IFT74: variants seen among roughly 807,000 people sequenced by gnomAD.
IFT74 encodes intraflagellar transport 74.
Under a neutral mutation model 96.7 loss-of-function variants are expected in IFT74, and 92 were observed. The ratio of observed to expected loss-of-function variants is 0.95; its 90% confidence interval spans 0.80 to 1.13. The LOEUF (loss-of-function observed/expected upper bound fraction) is 1.13. IFT74 is among the 50% of genes most tolerant of loss of function. The probability of loss-of-function intolerance (pLI) is 0.00; values close to 1 mark genes in which losing one functional copy is unlikely to be tolerated. For synonymous variants in IFT74, 223 were observed against 213.2 expected (o/e 1.05, Z -0.40); for missense variants, 811 against 698.2 (o/e 1.16, Z -1.82).
intron 12 of IFT74, among the ~76,000 whole-genome samples, chr9:27,026,462 T>C (rs1829862021): frequency 6.6e-6 from 1 of 152,136 alleles, no homozygotes; most frequent in Non-Finnish European, 1.5e-5. Flanking sequence ...AATTATACCC[T>C]AGAACAAATG....
intron 1 of IFT74, among the ~76,000 whole-genome samples, chr9:26,949,949 G>T (rs181229952): frequency 3.9e-5 from 6 of 152,344 alleles, no homozygotes; most frequent in Non-Finnish European, 7.3e-5. Flanking sequence ...ATCTGTAGGA[G>T]TACTTGGCGA....
At chr9:27,025,373 G>T (rs567224950) in intron 12 of IFT74, among the ~76,000 whole-genome samples, 13 of 150,396 alleles carry the variant, frequency 8.6e-5, no homozygotes, top group African/African-American at 3.2e-4. Flanking sequence ...AACCTGGGAG[G>T]TGGAGGTTGC....
intron 8 of IFT74, chr9:26,995,538 A>G: frequency 6.4e-7 from 1 of 1,560,752 alleles, no homozygotes; most frequent in South Asian, 1.2e-5. Context: ...TCTTCACATA[A>G]TTCATGGATA....
rs150104643 is a variant in IFT74, at chr9:27,004,596, T to C, written c.588-4424T>C. ...ACGCAGAATAGCTGGCCAAGTAGAT[T>C]ATGCAGAAATTATCCATCAGTCAGT... On this transcript the variant is annotated intron_variant, in intron 8 of 19. Transcript: ENST00000380062. Among the ~76,000 whole-genome samples the C allele has an allele frequency of 2.0e-5, 3 of 152,344 alleles. No individual in the cohort carries two copies. In the East Asian group the frequency reaches 5.8e-4, roughly 29 times the overall value.
intron 10 of IFT74, among the ~76,000 whole-genome samples, chr9:27,015,407 A>G (rs1039934842): frequency 8.5e-5 from 13 of 152,058 alleles, no homozygotes; most frequent in Admixed American, 7.9e-4. Flanking sequence ...GGAGGCTGAG[A>G]TGGGCGGATC....
Position 27,044,878 on chromosome 9 carries a change from G to T in IFT74, c.1108+83G>T, listed in dbSNP as rs541296279. ...TACCAAATCAGAGACCTCATTTTGGGCAGATATAATGGCTAATAAATGCAG... is the reference window on the plus strand; with the variant it reads ...TACCAAATCAGAGACCTCATTTTGGTCAGATATAATGGCTAATAAATGCAG... On this transcript the variant is annotated intron_variant, in intron 14 of 19. Coordinates refer to ENST00000380062, the MANE Select transcript of IFT74 (RefSeq NM_025103.4). 3.0e-5 allele frequency: 23 copies of T among 762,556 alleles called. No individual in the cohort carries two copies. The African/African-American group carries it at 3.4e-4, about 11-fold the overall frequency. The allele number at this position is 762,556 out of a possible 1,614,324, so 47.2% of individuals were successfully genotyped here.
At chr9:27,003,390 G>A (rs1227247306) in intron 8 of IFT74, among the ~76,000 whole-genome samples, 2 of 152,062 alleles carry the variant, frequency 1.3e-5, no homozygotes, top group African/African-American at 4.8e-5. Context: ...GGGTGCAGTG[G>A]CAGGCACCTG....
intron 8 of IFT74, among the ~76,000 whole-genome samples, chr9:27,003,277 C>T (rs148920362): frequency 0.013 from 1,927 of 151,988 alleles, 39 homozygotes; most frequent in African/African-American, 0.045. Flanking sequence ...AATCCCAGCA[C>T]TTTGGGAGGC....
chr9:26,996,637 G>T, intron 8 of IFT74: 1 of 495,724 alleles, frequency 2.0e-6, no homozygotes, highest in Non-Finnish European at 3.3e-6. Context: ...TATTTGTCTA[G>T]CAACATAATG....
At chr9:26,999,803 G>A (rs1339796719) in intron 8 of IFT74, 4 of 678,314 alleles carry the variant, frequency 5.9e-6, no homozygotes, top group East Asian at 3.0e-5. Flanking sequence ...GCTGAGACAG[G>A]GTCTCACTCT....
At chr9:27,004,853 GA>G (rs1026622668) in intron 8 of IFT74, among the ~76,000 whole-genome samples, 15 of 148,884 alleles carry the variant, frequency 1.0e-4, no homozygotes, top group African/African-American at 2.2e-4. Context: ...CTACGTTACT[GA>G]AAAAAAAAGA....
Position 27,018,221 on chromosome 9 carries a change from A to G in IFT74, c.934-426A>G, listed in dbSNP as rs190347264. ...TTTATTGCTTGTCAATGATATGGAT[A>G]TTCCAAATATTACATGGTACATATA... is the stretch of plus-strand genomic sequence containing the variant. On this transcript the variant is annotated intron_variant, in intron 11 of 19. Coordinates refer to ENST00000380062, the MANE Select transcript of IFT74 (RefSeq NM_025103.4). 3.4e-3 allele frequency among the ~76,000 whole-genome samples: 517 copies of G among 152,348 alleles called. 5 individuals carry two copies. Among genetic ancestry groups the G allele is most frequent in the African/African-American group, 0.012 (497 of 41,584 alleles).
At chr9:26,961,312 C>G (rs10757638) in intron 1 of IFT74, among the ~76,000 whole-genome samples, 149,323 of 152,106 alleles carry the variant, frequency 0.98, 73,354 homozygotes, top group East Asian at 1. Flanking sequence ...GGATGGTCTC[C>G]ATCTGCTGAC....
chr9:27,034,935 C>CTTT (rs1819099378), intron 13 of IFT74, among the ~76,000 whole-genome samples: 3 of 152,192 alleles, frequency 2.0e-5, no homozygotes, highest in Non-Finnish European at 4.4e-5. Flanking sequence ...TTTAATCTTA[C>CTTT]TTTATCTTAG....
intron 2 of IFT74, among the ~76,000 whole-genome samples, chr9:26,966,809 T>G (rs1056638234): frequency 5.3e-5 from 8 of 152,128 alleles, no homozygotes; most frequent in African/African-American, 1.9e-4. Context: ...TTTGAGGTCT[T>G]AAGTCTTTAA....
chr9:27,018,505 G>T (rs1462752666), intron 11 of IFT74, 142 bp from the exon 12 acceptor site: 1 of 442,976 alleles, frequency 2.3e-6, no homozygotes, highest in Non-Finnish European at 4.1e-6. Context: ...AACTTCAAAG[G>T]TTGAAATCTA....
chr9:27,044,894 A>G (rs1819634698), intron 14 of IFT74, 99 bp downstream of exon 14: 1 of 622,010 alleles, frequency 1.6e-6, no homozygotes, highest in Admixed American at 3.2e-5. Context: ...ATAATGGCTA[A>G]TAAATGCAGA....
intron 2 of IFT74, among the ~76,000 whole-genome samples, chr9:26,970,359 A>G (rs764186644): frequency 6.6e-6 from 1 of 152,238 alleles, no homozygotes. Flanking sequence ...ACACACACAC[A>G]TACATACACA....
intron 2 of IFT74, among the ~76,000 whole-genome samples, chr9:26,968,425 C>G (rs1456190168): frequency 6.6e-6 from 1 of 152,070 alleles, no homozygotes; most frequent in Non-Finnish European, 1.5e-5. Flanking sequence ...CCACGTCTGG[C>G]TAATTTTTAT....
Sources: gnomAD v4.1 joint callset for allele counts (sites outside exome capture counted in the v4.1 genomes callset) on GRCh38, gnomAD v4.1.1 for gene constraint, MANE v1.5 for transcripts, NCBI Gene and HGNC (gene_info 2026-07-23, HGNC 2026-07-21) for gene names.